The following TRPM6 variants were observed in gnomAD, a reference collection of about 807,000 sequenced individuals.
The protein encoded by TRPM6 is transient receptor potential cation channel subfamily M member 6, also known as channel kinase 2.
A neutral mutation model predicts 247.6 loss-of-function variants in TRPM6; 111 were observed. The ratio of observed to expected loss-of-function variants is 0.45; its 90% CI spans 0.38 to 0.52. The LOEUF (loss-of-function observed/expected upper bound fraction) is 0.52, where lower values mean the gene tolerates loss of function less well. Among genes scored for constraint, TRPM6 ranks in the 20% least tolerant of loss-of-function variants. The probability of loss-of-function intolerance (pLI) is 0.00; values close to 1 mark genes in which losing one functional copy is unlikely to be tolerated. For synonymous variants in TRPM6, 892 were observed against 853.8 expected, an observed-to-expected ratio of 1.04 and a Z score of -0.78; for missense variants, 2,126 against 2,421.5, an observed-to-expected ratio of 0.88 and a Z score of 2.56.
intron 1 of TRPM6, among the ~76,000 whole-genome samples, chr9:74,863,603 A>AC (rs1479883412): frequency 6.6e-6 from 1 of 151,776 alleles, no homozygotes. Flanking sequence ...TTTTTTTGAG[A>AC]CGGAGTCTCG....
At chr9:74,849,287 G>A (rs1420268039) in intron 3 of TRPM6, among the ~76,000 whole-genome samples, 1 of 149,244 alleles carries the variant, frequency 6.7e-6, no homozygotes, top group Non-Finnish European at 1.5e-5. Flanking sequence ...GGAGGCGGAG[G>A]TTGCAGTGAA....
At chr9:74,753,110 CAAAAAAAAA>C (rs35980332) in intron 28 of TRPM6, among the ~76,000 whole-genome samples, 1 of 104,210 alleles carries the variant, frequency 9.6e-6, no homozygotes, top group African/African-American at 3.4e-5. Context: ...GAGACTGTCT[CAAAAAAAAA>C]AAAAAAAAAA....
rs1443598282 is a variant in TRPM6, at chr9:74,729,746, AAC to A, written c.5829-1403_5829-1402del. Among the ~76,000 whole-genome samples, 5 of 152,224 alleles carry A rather than the reference AAC, an allele frequency of 3.3e-5. No individual in the cohort carries two copies. In the East Asian group the frequency reaches 5.8e-4, roughly 18 times the overall value. Reference sequence around the variant, plus strand: ...GGATTCTACGATGCCAATAAAGTGAAACACAGTGTTTATTTTAGTCGTTTAAA... The same window carrying A: ...GGATTCTACGATGCCAATAAAGTGAAACAGTGTTTATTTTAGTCGTTTAAA... On this transcript the variant is annotated intron_variant, in intron 37 of 38. Transcript: ENST00000360774.
intron 38 of TRPM6, among the ~76,000 whole-genome samples, chr9:74,725,361 T>C (rs1263752665): frequency 6.6e-6 from 1 of 152,130 alleles, no homozygotes; most frequent in Non-Finnish European, 1.5e-5. Flanking sequence ...CTAGAACATG[T>C]ATTTCTTATT....
At chr9:74,770,044 ATCAATTTTTGTGGAC>A (rs977968593) in intron 25 of TRPM6, among the ~76,000 whole-genome samples, 2 of 152,204 alleles carry the variant, frequency 1.3e-5, no homozygotes, top group African/African-American at 4.8e-5. Flanking sequence ...TGTAGGTGAA[ATCAATTTTTGTGGAC>A]TCAATCTTTG....
At chr9:74,763,637 T>TA (rs201643380) in intron 25 of TRPM6, among the ~76,000 whole-genome samples, 48 of 150,222 alleles carry the variant, frequency 3.2e-4, no homozygotes, top group South Asian at 3.0e-3. Context: ...TCTTTAAAAT[T>TA]AAAAAAAAAA....
intron 31 of TRPM6, among the ~76,000 whole-genome samples, chr9:74,746,331 G>A (rs928534271): frequency 2.8e-4 from 42 of 152,178 alleles, no homozygotes; most frequent in South Asian, 2.1e-4. Flanking sequence ...GGGATGTAGG[G>A]ATGTGAAAAA....
chr9:74,858,635 G>T (rs1363262562), intron 2 of TRPM6, 34 bp downstream of exon 2: 13 of 1,432,140 alleles, frequency 9.1e-6, no homozygotes, highest in Non-Finnish European at 1.3e-5. Flanking sequence ...AGGTAGTGTT[G>T]CTTTTAAAAG....
At chr9:74,835,761 A>T (rs1197787641) in intron 5 of TRPM6, among the ~76,000 whole-genome samples, 7 of 152,110 alleles carry the variant, frequency 4.6e-5, no homozygotes, top group Admixed American at 4.6e-4. Context: ...TTGGATTCCA[A>T]TTTAGGCAAT....
rs568499209 is a variant in TRPM6 at position 74,831,333 on chromosome 9, T to TA, written c.669+2664dup. On this transcript the variant is annotated intron_variant, in intron 6 of 38. Coordinates refer to ENST00000360774, the MANE Select transcript of TRPM6 (RefSeq NM_017662.5). Reference sequence around the variant, plus strand: ...GGTGAAACCCCATCTTTACCAACAATAAAAAAATTAGCTGGGTGTGGTAGC... The same window carrying TA: ...GGTGAAACCCCATCTTTACCAACAATAAAAAAAATTAGCTGGGTGTGGTAGC... Among the ~76,000 whole-genome samples the TA allele has an allele frequency of 4.0e-3, 605 of 151,720 alleles. 2 individuals are homozygous for TA. The highest frequency in any genetic ancestry group is 6.8e-3 in the Non-Finnish European group (459 of 67,864).
At chr9:74,828,386 G>C (rs1829423301) in intron 6 of TRPM6, among the ~76,000 whole-genome samples, 1 of 152,064 alleles carries the variant, frequency 6.6e-6, no homozygotes, top group Non-Finnish European at 1.5e-5. Context: ...TTGCAATTTA[G>C]AGCAGTGCTT....
At chr9:74,757,962 TGA>T (rs1474496131) in intron 27 of TRPM6, among the ~76,000 whole-genome samples, 1 of 152,060 alleles carries the variant, frequency 6.6e-6, no homozygotes, top group Non-Finnish European at 1.5e-5. Flanking sequence ...ACAAAAGAAG[TGA>T]TGTCACTAAC....
rs796396841 is a variant in TRPM6, at chr9:74,887,335, C to A, written c.33+489G>T. On this transcript the variant is annotated intron_variant, in intron 1 of 38. Coordinates refer to ENST00000360774, the MANE Select transcript of TRPM6 (RefSeq NM_017662.5). ...ACGGCCGTCTGGGCACTTCTCCAGC[C>A]GCCTCGGAAAGCCGCGACCCCCGGC... The A allele has an allele frequency of 8.6e-6, 12 of 1,393,100 alleles. No individual in the cohort carries two copies. In the African/African-American group the frequency reaches 1.7e-4, roughly 20 times the overall value. 86.3% of individuals were successfully genotyped at this position (1,393,100 alleles called of 1,614,324 possible).
rs969368636 is a variant in TRPM6 at position 74,724,103 on chromosome 9, T to G, written c.*510A>C. 20 of 172,026 alleles carry G rather than the reference T, an allele frequency of 1.2e-4. No individual in the cohort carries two copies. The highest frequency in any genetic ancestry group is 4.3e-4 in the African/African-American group (18 of 41,736). The allele number at this position is 172,026 out of a possible 1,614,324, so 10.7% of individuals were successfully genotyped here. A position where few individuals can be genotyped will look rare whatever the true frequency, so the allele number is the denominator to read the frequency against. On this transcript the variant is annotated 3_prime_UTR_variant, in exon 39 of 39. Coordinates refer to ENST00000360774, the MANE Select transcript of TRPM6 (RefSeq NM_017662.5). The stretch of plus-strand genomic sequence containing the variant: ...CAAACCCACCCTTGTTCCATTGTTT[T>G]TCCTATCATTGCTATTCAAAGTCCT...
intron 14 of TRPM6, chr9:74,804,472 TA>T: frequency 1.6e-6 from 1 of 645,076 alleles, no homozygotes; most frequent in Non-Finnish European, 2.8e-6. Context: ...ATAAAAACCA[TA>T]AGCTTGCCTG....
chr9:74,771,397 T>C (rs927600440), intron 25 of TRPM6, among the ~76,000 whole-genome samples: 2 of 152,148 alleles, frequency 1.3e-5, no homozygotes, highest in Non-Finnish European at 2.9e-5. Context: ...TCCACTTCAT[T>C]TCTCTCACCA....
chr9:74,853,571 C>G (rs941250433), intron 3 of TRPM6, among the ~76,000 whole-genome samples: 1 of 152,148 alleles, frequency 6.6e-6, no homozygotes, highest in Non-Finnish European at 1.5e-5. Context: ...CAACCCTGTG[C>G]TCTCTGAAAC....
Position 74,759,779 on chromosome 9 carries a change from A to C in TRPM6, c.4785+1917T>G, listed in dbSNP as rs183760287. ...ATAAAAGAAAAGAATCAAACACTTC[A>C]TCAAAAAAATTATGGTTTCAAAGGA... On this transcript the variant is annotated intron_variant, in intron 27 of 38. Coordinates refer to ENST00000360774, the MANE Select transcript of TRPM6 (RefSeq NM_017662.5). Among the ~76,000 whole-genome samples, 6 of 152,322 alleles carry C rather than the reference A, an allele frequency of 3.9e-5. No homozygotes were observed. In the East Asian group the frequency reaches 1.2e-3, roughly 29 times the overall value.
At chr9:74,744,381 G>A (rs1825965826) in intron 31 of TRPM6, among the ~76,000 whole-genome samples, 2 of 152,076 alleles carry the variant, frequency 1.3e-5, no homozygotes, top group African/African-American at 4.8e-5. Flanking sequence ...AGAAAGGCAG[G>A]TAATATTAGC....
Sources: gnomAD v4.1 joint callset for allele counts (sites outside exome capture counted in the v4.1 genomes callset) on GRCh38, gnomAD v4.1.1 for gene constraint, MANE v1.5 for transcripts, NCBI Gene and HGNC (gene_info 2026-07-23, HGNC 2026-07-21) for gene names.